AGBL1: variants seen among roughly 807,000 people sequenced by gnomAD.
The protein encoded by AGBL1 is AGBL carboxypeptidase 1, also known as cytosolic carboxypeptidase 4.
A neutral mutation model predicts 118.9 loss-of-function variants in AGBL1; 130 were observed. The ratio of observed to expected loss-of-function variants is 1.09; its 90% CI spans 0.95 to 1.26. AGBL1 has a LOEUF of 1.26. Among genes scored for constraint, AGBL1 ranks in the 50% most tolerant of loss-of-function variants. The probability of loss-of-function intolerance (pLI) is 0.00; values close to 1 mark genes in which losing one functional copy is unlikely to be tolerated. For missense variants in AGBL1, 1,584 were observed against 1,298.1 expected (o/e 1.22, Z -3.38); for synonymous variants, 555 against 478.9 (o/e 1.16, Z -2.08).
chr15:86,464,030 G>A (rs28789493), intron 18 of AGBL1, among the ~76,000 whole-genome samples: 11,431 of 152,192 alleles, frequency 0.075, 1,061 homozygotes, highest in African/African-American at 0.22. Context: ...ATTACTTGTG[G>A]CAGTATGGCC....
chr15:86,196,704 AC>A (rs1164984082), intron 5 of AGBL1, among the ~76,000 whole-genome samples: 1 of 152,012 alleles, frequency 6.6e-6, no homozygotes, highest in East Asian at 1.9e-4. Flanking sequence ...TGAAGCCCTA[AC>A]CCCCAATGTT....
At chr15:86,319,732 C>T (rs1236802454) in intron 17 of AGBL1, among the ~76,000 whole-genome samples, 4 of 111,254 alleles carry the variant, frequency 3.6e-5, no homozygotes, top group East Asian at 2.4e-4. Context: ...CTTTGTTTTG[C>T]CTCTTTGGTA....
intron 3 of AGBL1, among the ~76,000 whole-genome samples, chr15:86,145,631 A>T (rs1037248410): frequency 3.3e-5 from 5 of 152,202 alleles, no homozygotes; most frequent in Non-Finnish European, 7.3e-5. Context: ...CATGCTGCTG[A>T]TAATGATGGA....
At chr15:86,524,664 A>T (rs990914956) in intron 19 of AGBL1, among the ~76,000 whole-genome samples, 1 of 152,178 alleles carries the variant, frequency 6.6e-6, no homozygotes, top group African/African-American at 2.4e-5. Flanking sequence ...CATAAGTCAC[A>T]TTGTTAGCAT....
intron 17 of AGBL1, among the ~76,000 whole-genome samples, chr15:86,380,272 CCTTCCTTT>C (rs2081094865): frequency 6.8e-6 from 1 of 146,352 alleles, no homozygotes; most frequent in Admixed American, 6.7e-5. Context: ...TTCCTTCCTT[CCTTCCTTT>C]TTTTTTTTTT....
At chr15:86,783,974 G>A (rs2078371613) in intron 22 of AGBL1, among the ~76,000 whole-genome samples, 1 of 152,314 alleles carries the variant, frequency 6.6e-6, no homozygotes, top group African/African-American at 2.4e-5. Context: ...TTTAGAGGAG[G>A]AATGGTGTTG....
chr15:86,826,067 A>G (rs2141400222), intron 22 of AGBL1, among the ~76,000 whole-genome samples: 1 of 152,228 alleles, frequency 6.6e-6, no homozygotes, highest in Non-Finnish European at 1.5e-5. Flanking sequence ...AGAATATTTC[A>G]CACTGATGTA....
At chr15:86,806,861 A>T (rs947419380) in intron 22 of AGBL1, among the ~76,000 whole-genome samples, 8 of 151,786 alleles carry the variant, frequency 5.3e-5, no homozygotes, top group African/African-American at 1.9e-4. Flanking sequence ...CATCTATTAT[A>T]TTCTATTGTA....
At chr15:86,371,201 G>GT (rs1333535263) in intron 17 of AGBL1, among the ~76,000 whole-genome samples, 17 of 152,140 alleles carry the variant, frequency 1.1e-4, no homozygotes, top group South Asian at 2.1e-4. Flanking sequence ...AGAAAAGAGT[G>GT]TTTTTTTAAA....
chr15:86,284,369 A>G (rs2079407927), intron 16 of AGBL1, among the ~76,000 whole-genome samples: 1 of 152,178 alleles, frequency 6.6e-6, no homozygotes, highest in South Asian at 2.1e-4. Context: ...TTTATAATTG[A>G]CAAATCTGTG....
intron 22 of AGBL1, among the ~76,000 whole-genome samples, chr15:86,899,524 G>C (rs752035262): frequency 1.3e-5 from 2 of 152,004 alleles, no homozygotes; most frequent in Non-Finnish European, 2.9e-5. Flanking sequence ...AAGTACCCCT[G>C]AACCTAAAAT....
At chr15:86,975,441 C>G (rs1007821682) in intron 23 of AGBL1, among the ~76,000 whole-genome samples, 1 of 152,082 alleles carries the variant, frequency 6.6e-6, no homozygotes, top group African/African-American at 2.4e-5. Context: ...TTACCTCCCA[C>G]AGGGCCCCTC....
intron 1 of AGBL1, among the ~76,000 whole-genome samples, chr15:86,120,544 T>A (rs1217205938): frequency 2.0e-5 from 3 of 152,174 alleles, no homozygotes; most frequent in Non-Finnish European, 4.4e-5. Flanking sequence ...ACAAGGTGCA[T>A]GGGTAGATGC....
chr15:86,507,736 C>G (rs1216166260), intron 18 of AGBL1, among the ~76,000 whole-genome samples: 3 of 151,948 alleles, frequency 2.0e-5, no homozygotes, highest in Non-Finnish European at 2.9e-5. Flanking sequence ...GTTAAGAAAC[C>G]CTTGACATAG....
chr15:86,655,171 C>A (rs2085442672), intron 21 of AGBL1, among the ~76,000 whole-genome samples: 1 of 152,174 alleles, frequency 6.6e-6, no homozygotes, highest in African/African-American at 2.4e-5. Context: ...GCATTCTTCC[C>A]TGGGAAAATT....
chr15:86,765,056 T>C (rs2078075720), intron 22 of AGBL1, among the ~76,000 whole-genome samples: 1 of 151,870 alleles, frequency 6.6e-6, no homozygotes, highest in Admixed American at 6.6e-5. Flanking sequence ...AAAAATCCAT[T>C]AGGTATAGTT....
intron 21 of AGBL1, among the ~76,000 whole-genome samples, chr15:86,608,025 C>A (rs191015198): frequency 1.3e-5 from 2 of 152,280 alleles, no homozygotes; most frequent in South Asian, 4.1e-4. Context: ...CTTCTTTCTG[C>A]GCCTGCATTT....
intron 1 of AGBL1, chr15:86,105,086 G>A (rs1325242671): frequency 6.6e-6 from 1 of 152,168 alleles, no homozygotes; most frequent in Non-Finnish European, 1.5e-5. Flanking sequence ...GAATTCCAGT[G>A]TTCTTTCTTA....
At chr15:86,433,184 T>C (rs963678462) in intron 18 of AGBL1, among the ~76,000 whole-genome samples, 3 of 150,410 alleles carry the variant, frequency 2.0e-5, no homozygotes, top group African/African-American at 7.3e-5. Flanking sequence ...CTGAATAAAT[T>C]CCTAGAAGAA....
Sources: gnomAD v4.1 joint callset for allele counts (sites outside exome capture counted in the v4.1 genomes callset) on GRCh38, gnomAD v4.1.1 for gene constraint, MANE v1.5 for transcripts, NCBI Gene and HGNC (gene_info 2026-07-23, HGNC 2026-07-21) for gene names.